Variants in FSTL5 observed in about 807,000 individuals in gnomAD.
The protein encoded by FSTL5 is follistatin-related protein 5.
A neutral mutation model predicts 89.1 loss-of-function variants in FSTL5; 62 were observed. The ratio of observed to expected loss-of-function variants is 0.70; its 90% CI spans 0.57 to 0.86. The LOEUF is 0.86. Ranked by LOEUF, FSTL5 falls within the 40% of genes least tolerant of loss-of-function variation. FSTL5 has a pLI of 0.00. For synonymous variants in FSTL5, 383 were observed against 346.2 expected, an observed-to-expected ratio of 1.11 and a Z score of -1.18; for missense variants, 1,057 against 1,001.6, an observed-to-expected ratio of 1.06 and a Z score of -0.75.
chr4:161,479,348 G>A (rs1444848168), intron 13 of FSTL5, among the ~76,000 whole-genome samples: 1 of 151,918 alleles, frequency 6.6e-6, no homozygotes, highest in East Asian at 1.9e-4. Flanking sequence ...TTATTTGAAG[G>A]TGGAATTATA....
intron 1 of FSTL5, among the ~76,000 whole-genome samples, chr4:162,160,103 C>CATATATGTGTAAATATATGTGTATATAG (rs1425928088): frequency 6.6e-6 from 1 of 151,838 alleles, no homozygotes; most frequent in African/African-American, 2.4e-5. Flanking sequence ...TGTGTATATA[C>CATATATGTGTAAATATATGTGTATATAG]ATATATGTGT....
Position 161,574,268 on chromosome 4 carries a change from T to A in FSTL5, c.1015+13187A>T, listed in dbSNP as rs74770858. ...TGTGGAAATCTTTTGGAGAGAATAT[T>A]CACCTGACCACACCCAGGCAACTTC... On this transcript the variant is annotated intron_variant, in intron 8 of 15. Transcript: ENST00000306100. Among the ~76,000 whole-genome samples, 7 of 152,192 alleles carry A rather than the reference T, an allele frequency of 4.6e-5. No homozygotes were observed. The East Asian group carries it at 1.4e-3, about 29-fold the overall frequency.
At chr4:162,159,871 G>A (rs933055675) in intron 1 of FSTL5, among the ~76,000 whole-genome samples, 119 of 151,916 alleles carry the variant, frequency 7.8e-4, no homozygotes, top group African/African-American at 2.7e-3. Context: ...CAGCATGAGA[G>A]GTTCTAAATG....
intron 4 of FSTL5, among the ~76,000 whole-genome samples, chr4:161,819,010 TAAAAG>T (rs1730414278): frequency 6.6e-6 from 1 of 152,056 alleles, no homozygotes; most frequent in African/African-American, 2.4e-5. Flanking sequence ...TGATAGTAAG[TAAAAG>T]AAAATTCATA....
chr4:162,114,513 T>C (rs1420446473), intron 1 of FSTL5, among the ~76,000 whole-genome samples: 1 of 141,074 alleles, frequency 7.1e-6, no homozygotes, highest in East Asian at 2.1e-4. Context: ...CTTCCCTCTC[T>C]TTCTCTTTGT....
intron 10 of FSTL5, among the ~76,000 whole-genome samples, chr4:161,521,326 G>T (rs1016187776): frequency 2.7e-5 from 4 of 149,662 alleles, no homozygotes; most frequent in African/African-American, 9.9e-5. Context: ...CATCCACAGT[G>T]TTTTTTTTTT....
At chr4:161,593,580 G>A (rs2126614334) in intron 7 of FSTL5, among the ~76,000 whole-genome samples, 1 of 151,986 alleles carries the variant, frequency 6.6e-6, no homozygotes, top group East Asian at 1.9e-4. Context: ...AGGAGGGGGA[G>A]GGAGAAGGGG....
intron 11 of FSTL5, among the ~76,000 whole-genome samples, chr4:161,504,276 A>G (rs1354331350): frequency 6.6e-6 from 1 of 151,894 alleles, no homozygotes; most frequent in Non-Finnish European, 1.5e-5. Context: ...AACCAAACAC[A>G]AAGTTCTTTA....
intron 4 of FSTL5, among the ~76,000 whole-genome samples, chr4:161,798,906 G>A (rs1729715043): frequency 6.6e-6 from 1 of 151,604 alleles, no homozygotes; most frequent in Non-Finnish European, 1.5e-5. Flanking sequence ...GGAAGGTGAG[G>A]GGGAATTTAG....
intron 13 of FSTL5, among the ~76,000 whole-genome samples, chr4:161,468,972 C>T (rs933425794): frequency 5.3e-5 from 8 of 152,040 alleles, no homozygotes; most frequent in African/African-American, 1.9e-4. Flanking sequence ...TTTAAGTGTG[C>T]TGAAATATGT....
chr4:161,821,917 C>T (rs359133), intron 4 of FSTL5, among the ~76,000 whole-genome samples: 125,317 of 152,110 alleles, frequency 0.82, 51,746 homozygotes, highest in Non-Finnish European at 0.85. Context: ...CTTTTTCATA[C>T]AATGACTTCT....
intron 15 of FSTL5, among the ~76,000 whole-genome samples, chr4:161,400,438 T>C (rs998675902): frequency 6.6e-6 from 1 of 152,094 alleles, no homozygotes; most frequent in Non-Finnish European, 1.5e-5. Context: ...ATGTGCAGAC[T>C]GTACTTGATG....
At chr4:161,664,265 G>T (rs1202026050) in intron 6 of FSTL5, among the ~76,000 whole-genome samples, 1 of 152,256 alleles carries the variant, frequency 6.6e-6, no homozygotes, top group East Asian at 1.9e-4. Flanking sequence ...CTTTTCTATC[G>T]CATAGTCAGG....
At chr4:162,123,380 G>A (rs1645431348) in intron 1 of FSTL5, among the ~76,000 whole-genome samples, 1 of 152,126 alleles carries the variant, frequency 6.6e-6, no homozygotes, top group South Asian at 2.1e-4. Flanking sequence ...AAGTAATTAA[G>A]ACCCAAGATA....
chr4:162,059,477 A>T (rs1738652799), intron 2 of FSTL5, among the ~76,000 whole-genome samples: 1 of 152,174 alleles, frequency 6.6e-6, no homozygotes, highest in Admixed American at 6.5e-5. Context: ...CCTATTGGGA[A>T]TTCAGAAGAA....
chr4:161,946,668 T>G (rs1734742091), intron 3 of FSTL5, among the ~76,000 whole-genome samples: 1 of 152,212 alleles, frequency 6.6e-6, no homozygotes, highest in East Asian at 1.9e-4. Context: ...TTCAGTTGTT[T>G]ACTGCATGGG....
At chr4:161,770,079 G>T (rs1221347782) in intron 5 of FSTL5, among the ~76,000 whole-genome samples, 2 of 151,994 alleles carry the variant, frequency 1.3e-5, no homozygotes, top group Admixed American at 6.6e-5. Context: ...GATGGAACTG[G>T]AGATCATTAT....
intron 4 of FSTL5, among the ~76,000 whole-genome samples, chr4:161,895,180 C>G (rs1337239015): frequency 6.6e-6 from 1 of 152,222 alleles, no homozygotes; most frequent in Admixed American, 6.5e-5. Flanking sequence ...TAAACTTACT[C>G]TCGTGCCCCT....
chr4:161,765,841 G>C (rs1340944305), intron 5 of FSTL5, among the ~76,000 whole-genome samples: 1 of 150,936 alleles, frequency 6.6e-6, no homozygotes, highest in East Asian at 1.9e-4. Flanking sequence ...TGTCACCCTG[G>C]CTAGAGTACT....
Sources: gnomAD v4.1 joint callset for allele counts (sites outside exome capture counted in the v4.1 genomes callset) on GRCh38, gnomAD v4.1.1 for gene constraint, MANE v1.5 for transcripts, NCBI Gene and HGNC (gene_info 2026-07-23, HGNC 2026-07-21) for gene names.